Variants in EPHA6 observed in about 807,000 individuals in gnomAD.
EPHA6 encodes ephrin type-A receptor 6.
Under a neutral mutation model 112.0 loss-of-function variants are expected in EPHA6, and 50 were observed. The observed-to-expected ratio is 0.45, with a 90% CI of 0.36 to 0.56. The LOEUF is 0.56. Among genes scored for constraint, EPHA6 ranks in the 20% least tolerant of loss-of-function variants. The probability of loss-of-function intolerance (pLI) is 0.00; values close to 1 mark genes in which losing one functional copy is unlikely to be tolerated. For synonymous variants in EPHA6, 529 were observed against 490.7 expected, an observed-to-expected ratio of 1.08 and a Z score of -1.03; for missense variants, 1,280 against 1,417.4, an observed-to-expected ratio of 0.90 and a Z score of 1.56.
At chr3:97,103,818 T>G (rs1358671196) in intron 3 of EPHA6, among the ~76,000 whole-genome samples, 1 of 152,136 alleles carries the variant, frequency 6.6e-6, no homozygotes, top group East Asian at 1.9e-4. Context: ...ATCTCTGGTT[T>G]CTTTGAGCAG....
chr3:97,444,510 T>G (rs185047030), intron 6 of EPHA6, among the ~76,000 whole-genome samples: 1 of 152,322 alleles, frequency 6.6e-6, no homozygotes, highest in East Asian at 1.9e-4. Flanking sequence ...CAAAGTGTTC[T>G]AGAACCTTAT....
chr3:96,906,522 A>G (rs1013462252), intron 2 of EPHA6, among the ~76,000 whole-genome samples: 1 of 152,052 alleles, frequency 6.6e-6, no homozygotes, highest in East Asian at 1.9e-4. Flanking sequence ...TCATTGTATT[A>G]CAGATAAGGC....
chr3:97,088,143 T>C (rs542464070), intron 3 of EPHA6, among the ~76,000 whole-genome samples: 1 of 152,158 alleles, frequency 6.6e-6, no homozygotes, highest in African/African-American at 2.4e-5. Flanking sequence ...ATCGTGCCAC[T>C]ACACTCCAGC....
chr3:97,586,342 A>G (rs566692052), intron 11 of EPHA6, among the ~76,000 whole-genome samples: 1 of 152,330 alleles, frequency 6.6e-6, no homozygotes, highest in Non-Finnish European at 1.5e-5. Flanking sequence ...TCCATGGAGT[A>G]AAAGATGCAT....
chr3:97,233,596 A>G (rs1256764386), intron 4 of EPHA6, among the ~76,000 whole-genome samples: 1 of 152,148 alleles, frequency 6.6e-6, no homozygotes, highest in African/African-American at 2.4e-5. Flanking sequence ...TGAATTTGCC[A>G]TTATTTATTT....
intron 3 of EPHA6, among the ~76,000 whole-genome samples, chr3:97,148,426 C>A (rs2076093756): frequency 6.6e-6 from 1 of 152,026 alleles, no homozygotes. Context: ...TACAATTATG[C>A]CACTGTATTC....
intron 3 of EPHA6, among the ~76,000 whole-genome samples, chr3:97,152,298 A>G (rs374238019): frequency 2.6e-5 from 4 of 152,004 alleles, no homozygotes; most frequent in South Asian, 2.1e-4. Context: ...AATAGAGTTT[A>G]TATTAACAGG....
intron 13 of EPHA6, among the ~76,000 whole-genome samples, chr3:97,637,547 TTTTGGCAGAC>T (rs2093958658): frequency 6.6e-6 from 1 of 152,138 alleles, no homozygotes; most frequent in Non-Finnish European, 1.5e-5. Flanking sequence ...GTAGCCTTTT[TTTTGGCAGAC>T]TTTGCTCTTA....
intron 5 of EPHA6, among the ~76,000 whole-genome samples, chr3:97,385,112 T>C (rs1386574389): frequency 6.6e-6 from 1 of 152,202 alleles, no homozygotes; most frequent in East Asian, 1.9e-4. Flanking sequence ...ATCCAGCTCA[T>C]CATAGCTTTA....
chr3:97,384,739 A>G (rs1337238577), intron 5 of EPHA6, among the ~76,000 whole-genome samples: 1 of 152,210 alleles, frequency 6.6e-6, no homozygotes, highest in East Asian at 1.9e-4. Context: ...TAATAGAAAC[A>G]TCATACTATT....
intron 16 of EPHA6, among the ~76,000 whole-genome samples, chr3:97,738,966 C>T (rs1245513566): frequency 6.6e-6 from 1 of 152,068 alleles, no homozygotes; most frequent in Non-Finnish European, 1.5e-5. Context: ...CACCCTCTTA[C>T]TTGCAATACC....
At chr3:97,190,752 G>C (rs531953473) in intron 3 of EPHA6, among the ~76,000 whole-genome samples, 26 of 152,076 alleles carry the variant, frequency 1.7e-4, no homozygotes, top group African/African-American at 5.3e-4. Context: ...AGCATTGGGA[G>C]ATATACCTAA....
chr3:97,089,958 T>C (rs1013014139), intron 3 of EPHA6, among the ~76,000 whole-genome samples: 1 of 152,122 alleles, frequency 6.6e-6, no homozygotes, highest in East Asian at 1.9e-4. Context: ...ATAAATCATA[T>C]TGAAATTTTG....
At chr3:97,541,716 T>G (rs182854967) in intron 11 of EPHA6, among the ~76,000 whole-genome samples, 25 of 133,366 alleles carry the variant, frequency 1.9e-4, no homozygotes, top group Non-Finnish European at 2.9e-4. Context: ...GTGTCTTGTT[T>G]TCTTTTTTTT....
chr3:96,883,629 A>G (rs922029599), intron 2 of EPHA6, among the ~76,000 whole-genome samples: 4 of 152,088 alleles, frequency 2.6e-5, no homozygotes, highest in African/African-American at 9.7e-5. Flanking sequence ...ATTCTCCTAC[A>G]TGTGGCTAGC....
intron 10 of EPHA6, among the ~76,000 whole-genome samples, chr3:97,507,882 G>T (rs543363286): frequency 7.2e-5 from 11 of 152,200 alleles, no homozygotes; most frequent in African/African-American, 2.7e-4. Flanking sequence ...TCCTGGTTTA[G>T]CCTTGGGAGG....
intron 10 of EPHA6, among the ~76,000 whole-genome samples, chr3:97,516,208 A>G (rs2092446687): frequency 6.6e-6 from 1 of 152,218 alleles, no homozygotes; most frequent in South Asian, 2.1e-4. Context: ...CTAAAGCAAG[A>G]AAAAGTAAAG....
At chr3:97,694,517 G>A (rs113647120) in intron 14 of EPHA6, among the ~76,000 whole-genome samples, 6 of 152,136 alleles carry the variant, frequency 3.9e-5, no homozygotes, top group African/African-American at 1.2e-4. Context: ...GATTACAGGC[G>A]TGAGGCACTG....
intron 10 of EPHA6, among the ~76,000 whole-genome samples, chr3:97,495,451 A>C (rs1430208820): frequency 1.3e-5 from 2 of 151,866 alleles, no homozygotes; most frequent in African/African-American, 2.4e-5. Flanking sequence ...TACAAATTCT[A>C]GTATATATAG....
Sources: allele counts gnomAD v4.1 joint callset (sites outside exome capture counted in the v4.1 genomes callset), GRCh38; gene constraint gnomAD v4.1.1; transcripts MANE v1.5; gene names NCBI Gene and HGNC (gene_info 2026-07-23, HGNC 2026-07-21).